The following ARHGEF18 variants were observed in gnomAD, a reference collection of about 807,000 sequenced individuals.
ARHGEF18 encodes the protein rho guanine nucleotide exchange factor 18.
ARHGEF18 carries 93 observed loss-of-function variants against 155.7 expected under a neutral mutation model. That is an observed-to-expected ratio of 0.60 (90% confidence interval 0.50 to 0.71). ARHGEF18 has a LOEUF of 0.71. Ranked by LOEUF, ARHGEF18 falls within the 30% of genes least tolerant of loss-of-function variation. The pLI is 0.00. For missense variants in ARHGEF18, 1,593 were observed against 1,816.1 expected (o/e 0.88, Z 2.23); for synonymous variants, 742 against 753.1 (o/e 0.99, Z 0.24).
At chr19:7,377,753 G>C (rs56022401) in intron 5 of ARHGEF18, among the ~76,000 whole-genome samples, 4 of 147,000 alleles carry the variant, frequency 2.7e-5, no homozygotes, top group African/African-American at 1.0e-4. Flanking sequence ...GCAGGACTGC[G>C]CTCCGCTCTG....
At chr19:7,466,836 A>AAAGGAATAAT in intron 23 of ARHGEF18, 82 bp from the exon 24 acceptor site, 4 of 1,094,030 alleles carry the variant, frequency 3.7e-6, no homozygotes, top group South Asian at 1.5e-5. Flanking sequence ...AGTTAAAAAA[A>AAAGGAATAAT]AAGAAGAAGA....
chr19:7,418,205 C>G (rs1973128507), intron 10 of ARHGEF18, among the ~76,000 whole-genome samples: 1 of 152,154 alleles, frequency 6.6e-6, no homozygotes, highest in Non-Finnish European at 1.5e-5. Context: ...TTCTCTATCA[C>G]AGCCAACCCC....
the ARHGEF18 span, among the ~76,000 whole-genome samples, chr19:7,479,335 T>G: frequency 1.3e-5 from 2 of 151,968 alleles, no homozygotes; most frequent in African/African-American, 4.8e-5. Flanking sequence ...AATACAAAAA[T>G]TAGCTGGGGG....
intron 10 of ARHGEF18, among the ~76,000 whole-genome samples, chr19:7,409,314 C>T (rs1430159256): frequency 7.8e-6 from 1 of 128,378 alleles, no homozygotes; most frequent in Admixed American, 8.6e-5. Context: ...CGCGTCCGGC[C>T]GACCCTGTTT....
At chr19:7,445,470 G>A (rs7248066) in intron 14 of ARHGEF18, among the ~76,000 whole-genome samples, 31,430 of 151,916 alleles carry the variant, frequency 0.21, 3,463 homozygotes, top group Admixed American at 0.23. Context: ...AAGCATACCT[G>A]TGAACCAGCA....
In ARHGEF18 at chr19:7,462,010, C is replaced by G; in HGVS notation, c.2453-142C>G. The stretch of plus-strand genomic sequence containing the variant: ...GACAAGGCCATGCCCTCCCCTACCT[C>G]CCAGGAATGCAGGACACAAGGGGGC... On this transcript the variant is annotated intron_variant, in intron 20 of 28. Coordinates refer to ENST00000668164, the MANE Select transcript of ARHGEF18 (RefSeq NM_001367823.1). The surrounding 1 kb of genome is among the most constrained non-coding windows in gnomAD (Gnocchi z 4.4). 1.1e-6 allele frequency: 1 copy of G among 896,014 alleles called. No individual in the cohort carries two copies. Among genetic ancestry groups the G allele is most frequent in the Non-Finnish European group, 1.8e-6 (1 of 568,470 alleles). The allele number at this position is 896,014 out of a possible 1,614,324, so 55.5% of individuals were successfully genotyped here. A position where few individuals can be genotyped will look rare whatever the true frequency, so the allele number is the denominator to read the frequency against.
intron 10 of ARHGEF18, among the ~76,000 whole-genome samples, chr19:7,406,789 T>C (rs2145595574): frequency 6.6e-6 from 1 of 152,202 alleles, no homozygotes; most frequent in South Asian, 2.1e-4. Flanking sequence ...GCACAGTGGC[T>C]CACGCCTGTA....
chr19:7,383,367 A>C, intron 10 of ARHGEF18, 164 bp downstream of exon 10: 15 of 683,912 alleles, frequency 2.2e-5, no homozygotes, highest in Non-Finnish European at 3.1e-5. Context: ...GTCCCTGGGC[A>C]CAGGGACCCT....
intron 4 of ARHGEF18, among the ~76,000 whole-genome samples, 161 bp from the exon 5 acceptor site, chr19:7,376,482 C>T (rs1042927031): frequency 1.3e-5 from 2 of 152,006 alleles, no homozygotes; most frequent in Non-Finnish European, 2.9e-5. Context: ...GAACCCATGT[C>T]TTATGGCTGG....
intron 16 of ARHGEF18, among the ~76,000 whole-genome samples, chr19:7,451,846 C>T (rs760950063): frequency 1.3e-5 from 2 of 152,082 alleles, no homozygotes; most frequent in African/African-American, 4.8e-5. Context: ...CTCAGACTCC[C>T]GAGTAGCTAG....
In ARHGEF18 at chr19:7,403,700, G is replaced by A. The variant is rs1312974492; in HGVS notation, c.967+20497G>A. 2.0e-5 allele frequency among the ~76,000 whole-genome samples: 3 copies of A among 152,122 alleles called. No individual in the cohort carries two copies. In the East Asian group the frequency reaches 5.8e-4, roughly 29 times the overall value. ...CTACAGGTGTGCGCCACCGTGCCCG[G>A]CTAATTTTTTATTTTTTGTAGAGAT... On this transcript the variant is annotated intron_variant, in intron 10 of 28. Transcript: ENST00000668164.
intron 10 of ARHGEF18, among the ~76,000 whole-genome samples, chr19:7,430,058 C>T (rs569391183): frequency 6.6e-6 from 1 of 151,882 alleles, no homozygotes; most frequent in East Asian, 1.9e-4. Flanking sequence ...ATGGTACCCA[C>T]ACCCAGTTTC....
intron 2 of ARHGEF18, among the ~76,000 whole-genome samples, chr19:7,370,999 C>G (rs933273128): frequency 1.3e-5 from 2 of 152,020 alleles, no homozygotes; most frequent in African/African-American, 4.8e-5. Flanking sequence ...CAGCTTTGAC[C>G]TCCCAGGTTC....
intron 22 of ARHGEF18, 21 bp from the exon 23 acceptor site, chr19:7,464,539 C>A: frequency 6.2e-7 from 1 of 1,601,670 alleles, no homozygotes; most frequent in Non-Finnish European, 8.5e-7. Flanking sequence ...CATCCTCATG[C>A]CCCTGGCTTG....
chr19:7,479,432 C>A, the ARHGEF18 span, among the ~76,000 whole-genome samples: 1 of 152,144 alleles, frequency 6.6e-6, no homozygotes. Flanking sequence ...TGCAGTAAGC[C>A]AAGATCGCAC....
At chr19:7,427,978 AT>A (rs1973755285) in intron 10 of ARHGEF18, among the ~76,000 whole-genome samples, 1 of 152,152 alleles carries the variant, frequency 6.6e-6, no homozygotes, top group Non-Finnish European at 1.5e-5. Flanking sequence ...AGAGAAAAAA[AT>A]GAAAATCACC....
chr19:7,373,156 C>T, intron 3 of ARHGEF18, 85 bp downstream of exon 3: 3 of 1,229,992 alleles, frequency 2.4e-6, no homozygotes, highest in Non-Finnish European at 3.0e-6. Flanking sequence ...GGTCCTAAGA[C>T]AAGCCACCCC....
chr19:7,368,993 G>A (rs1170292885), intron 2 of ARHGEF18, among the ~76,000 whole-genome samples: 1 of 152,188 alleles, frequency 6.6e-6, no homozygotes, highest in Non-Finnish European at 1.5e-5. Context: ...AGAGATTCAA[G>A]AAGGCAGGCT....
chr19:7,452,284 C>T (rs747419362), intron 16 of ARHGEF18, among the ~76,000 whole-genome samples: 10 of 152,170 alleles, frequency 6.6e-5, no homozygotes, highest in Non-Finnish European at 1.0e-4. Flanking sequence ...CAGAGAAGGG[C>T]GGGCAGTCCA....
Sources: gnomAD v4.1 joint callset for allele counts (sites outside exome capture counted in the v4.1 genomes callset) on GRCh38, gnomAD v4.1.1 for gene constraint, Gnocchi (gnomAD v3.1) non-coding constraint, MANE v1.5 for transcripts, NCBI Gene and HGNC (gene_info 2026-07-23, HGNC 2026-07-21) for gene names.